Variants in FNTA observed in about 807,000 individuals in gnomAD.
The protein encoded by FNTA is protein farnesyltransferase/geranylgeranyltransferase type-1 subunit alpha.
Under a neutral mutation model 55.2 loss-of-function variants are expected in FNTA, and 27 were observed. The observed-to-expected ratio is 0.49, with a 90% confidence interval of 0.36 to 0.67. The LOEUF is 0.67. Among genes scored for constraint, FNTA ranks in the 30% least tolerant of loss-of-function variants. FNTA has a pLI of 0.00. For synonymous variants in FNTA, 176 were observed against 170.7 expected (o/e 1.03, Z -0.24); for missense variants, 422 against 464.7 (o/e 0.91, Z 0.85).
At chr8:43,075,362 C>A (rs955684635) in intron 5 of FNTA, among the ~76,000 whole-genome samples, 1 of 15,112 alleles carries the variant, frequency 6.6e-5, no homozygotes, top group Non-Finnish European at 7.6e-4. Context: ...GAGATTCTTA[C>A]TTTTTTGCTG....
intron 3 of FNTA, 42 bp from the exon 4 acceptor site, chr8:43,069,513 C>G (rs1810737118): frequency 8.0e-7 from 1 of 1,245,198 alleles, no homozygotes; most frequent in African/African-American, 1.5e-5. Flanking sequence ...TAGGGAACTT[C>G]TGTGTAATAA....
Position 43,069,733 on chromosome 8 carries a change from C to A in FNTA, c.506+74C>A, listed in dbSNP as rs538788108. The A allele has an allele frequency of 1.9e-4, 163 of 858,196 alleles. No homozygotes were observed. In the African/African-American group the frequency reaches 2.3e-3, roughly 12 times the overall value. 53.2% of individuals were successfully genotyped at this position (858,196 alleles called of 1,614,324 possible). A position where few individuals can be genotyped will look rare whatever the true frequency, so the allele number is the denominator to read the frequency against. On this transcript the variant is annotated intron_variant, in intron 4 of 8. Transcript: ENST00000302279. ...GACCTCGGCTCACTGCAGCCTCTGC[C>A]TCCTGGGTTCAAGTGATTCTCCAGC... is the stretch of plus-strand genomic sequence containing the variant.
intron 3 of FNTA, among the ~76,000 whole-genome samples, chr8:43,065,157 T>C (rs1163776784): frequency 6.6e-6 from 1 of 152,076 alleles, no homozygotes; most frequent in Non-Finnish European, 1.5e-5. Context: ...TAAAACATTA[T>C]TCCTTCTGTG....
chr8:43,079,596 T>A (rs938684083), intron 6 of FNTA: 1 of 152,244 alleles, frequency 6.6e-6, no homozygotes, highest in African/African-American at 2.4e-5. Flanking sequence ...AATGGAGATG[T>A]GCAAGGAGAT....
chr8:43,062,585 T>C (rs1264035340), intron 2 of FNTA, among the ~76,000 whole-genome samples: 1 of 152,178 alleles, frequency 6.6e-6, no homozygotes, highest in Admixed American at 6.6e-5. Context: ...CAAATTCAAC[T>C]TTTTAAAGAT....
At chr8:43,064,358 C>T in intron 3 of FNTA, 143 bp downstream of exon 3, 1 of 571,918 alleles carries the variant, frequency 1.7e-6, no homozygotes, top group Non-Finnish European at 3.1e-6. Flanking sequence ...GTTGCCCAGG[C>T]TGGAGTATAA....
At chr8:43,083,229 A>G (rs2130575025) in intron 7 of FNTA, 49 bp downstream of exon 7, 1 of 1,017,910 alleles carries the variant, frequency 9.8e-7, no homozygotes, top group South Asian at 1.4e-5. Context: ...AAGTGGCTAT[A>G]TGATGCATCA....
intron 3 of FNTA, among the ~76,000 whole-genome samples, chr8:43,067,646 CTTT>C (rs58503449): frequency 7.3e-6 from 1 of 136,404 alleles, no homozygotes; most frequent in Non-Finnish European, 1.6e-5. Context: ...GGGAAGTCTA[CTTT>C]TTTTTTTTTT....
intron 1 of FNTA, chr8:43,057,296 C>T (rs1442276878): frequency 1.3e-5 from 2 of 152,140 alleles, no homozygotes; most frequent in Non-Finnish European, 2.9e-5. Flanking sequence ...GGTCTTACTT[C>T]TGTAGTTCTA....
At chr8:43,062,777 C>CA (rs754281277) in intron 2 of FNTA, among the ~76,000 whole-genome samples, 1 of 152,108 alleles carries the variant, frequency 6.6e-6, no homozygotes, top group Non-Finnish European at 1.5e-5. Flanking sequence ...CTGTAGACAC[C>CA]AACTAGTTGC....
At chr8:43,077,061 T>C in intron 5 of FNTA, 155 bp from the exon 6 acceptor site, 1 of 500,168 alleles carries the variant, frequency 2.0e-6, no homozygotes, top group Non-Finnish European at 3.5e-6. Context: ...TGTATCCCCC[T>C]CTATTTCCTT....
chr8:43,073,461 T>A (rs891769766), intron 5 of FNTA: 1 of 152,200 alleles, frequency 6.6e-6, no homozygotes, highest in Non-Finnish European at 1.5e-5. Flanking sequence ...ATACATTATT[T>A]AATTCATGTG....
At chr8:43,065,939 C>G (rs1348046406) in intron 3 of FNTA, among the ~76,000 whole-genome samples, 2 of 151,252 alleles carry the variant, frequency 1.3e-5, no homozygotes, top group Non-Finnish European at 1.5e-5. Context: ...AATTTTAAAA[C>G]TCTTTTTCTG....
intron 3 of FNTA, 28 bp from the exon 4 acceptor site, chr8:43,069,527 G>T: frequency 7.2e-7 from 1 of 1,391,950 alleles, no homozygotes; most frequent in Non-Finnish European, 1.0e-6. Context: ...GTAATAATGC[G>T]ACTTTGGATG....
At chr8:43,067,310 TGTGTTTTA>T (rs1810683159) in intron 3 of FNTA, among the ~76,000 whole-genome samples, 1 of 152,246 alleles carries the variant, frequency 6.6e-6, no homozygotes, top group African/African-American at 2.4e-5. Context: ...AGTCTTATTC[TGTGTTTTA>T]GTTAAATCTT....
intron 1 of FNTA, among the ~76,000 whole-genome samples, chr8:43,058,639 G>A (rs1373510161): frequency 6.6e-6 from 1 of 151,908 alleles, no homozygotes; most frequent in Non-Finnish European, 1.5e-5. Context: ...GCTTGGTGGC[G>A]CCCGCCTGTA....
chr8:43,082,476 C>T (rs1365672862), intron 6 of FNTA: 1 of 152,188 alleles, frequency 6.6e-6, no homozygotes, highest in African/African-American at 2.4e-5. Flanking sequence ...CCCAAGGTTG[C>T]TTTACCAATA....
intron 2 of FNTA, chr8:43,063,160 A>G: frequency 2.4e-6 from 1 of 416,636 alleles, no homozygotes; most frequent in Non-Finnish European, 4.8e-6. Flanking sequence ...GGCTCACTGC[A>G]GCCTTGACCT....
intron 6 of FNTA, chr8:43,081,546 A>G (rs1248905037): frequency 6.6e-6 from 1 of 151,732 alleles, no homozygotes; most frequent in African/African-American, 2.4e-5. Flanking sequence ...GCCTGACCTC[A>G]AAGTTCATCG....
Sources: allele counts gnomAD v4.1 joint callset (sites outside exome capture counted in the v4.1 genomes callset), GRCh38; gene constraint gnomAD v4.1.1; transcripts MANE v1.5; gene names NCBI Gene and HGNC (gene_info 2026-07-23, HGNC 2026-07-21).